ZDHHC11B: variants seen among roughly 807,000 people sequenced by gnomAD.
ZDHHC11B encodes the protein probable palmitoyltransferase ZDHHC11B.
Under a neutral mutation model 42.3 loss-of-function variants are expected in ZDHHC11B, and 17 were observed. The ratio of observed to expected loss-of-function variants is 0.40; its 90% CI spans 0.27 to 0.60. The LOEUF is 0.60. Among genes scored for constraint, ZDHHC11B ranks in the 20% least tolerant of loss-of-function variants. The pLI is 0.41. For missense variants in ZDHHC11B, 262 were observed against 463.2 expected (o/e 0.57, Z 3.99); for synonymous variants, 123 against 193.5 (o/e 0.64, Z 3.02).
chr5:748,721 CCA>C (rs780476797), intron 7 of ZDHHC11B, among the ~76,000 whole-genome samples, 162 bp from the exon 8 acceptor site: 12,382 of 127,590 alleles, frequency 0.097, 1,192 homozygotes, highest in African/African-American at 0.24. Context: ...CCTGAGTGCC[CCA>C]TGGGCCCTGC....
Position 721,402 on chromosome 5 carries a change from T to G in ZDHHC11B, c.1059-4537A>C, listed in dbSNP as rs553236580. 9.2e-5 allele frequency among the ~76,000 whole-genome samples: 14 copies of G among 151,746 alleles called. 1 individual carries two copies. In the South Asian group the frequency reaches 1.9e-3, roughly 20 times the overall value. On this transcript the variant is annotated intron_variant, in intron 12 of 13. Transcript: ENST00000508859. Reference sequence around the variant, plus strand: ...TAGATAGATAGATAGATTGAACTTTTTAATTAAAAGTCAGAGATTGGTGGA... The same window carrying G: ...TAGATAGATAGATAGATTGAACTTTGTAATTAAAAGTCAGAGATTGGTGGA...
At chr5:751,410 G>GCGTGCGGTGTGCAGGGGCATGCGGGGCA (rs1554036609) in intron 6 of ZDHHC11B, among the ~76,000 whole-genome samples, 153 bp from the exon 7 acceptor site, 1 of 51,400 alleles carries the variant, frequency 1.9e-5, no homozygotes. Flanking sequence ...GCAAGGGCAG[G>GCGTGCGGTGTGCAGGGGCATGCGGGGCA]TGTGGGACAG....
Position 746,943 on chromosome 5 carries a change from G to T in ZDHHC11B, c.784+1461C>A, listed in dbSNP as rs547672831. ...CAACCTCGGCCGATTCTCCTGTTGT[G>T]GGGGGACTCACCCTGACTCTAAGCA... On this transcript the variant is annotated intron_variant, in intron 8 of 13. Transcript: ENST00000508859. Among the ~76,000 whole-genome samples, 8 of 124,568 alleles carry T rather than the reference G, an allele frequency of 6.4e-5. No homozygotes were observed. The East Asian group carries it at 2.3e-3, about 36-fold the overall frequency. The allele number at this position is 124,568 out of a possible 152,430, so 81.7% of individuals were successfully genotyped here.
chr5:721,469 T>G (rs1055232773), intron 12 of ZDHHC11B, among the ~76,000 whole-genome samples: 1 of 151,404 alleles, frequency 6.6e-6, no homozygotes, highest in African/African-American at 2.4e-5. Context: ...ACAAAGATGC[T>G]GAGTTAAAGG....
intron 6 of ZDHHC11B, among the ~76,000 whole-genome samples, 173 bp from the exon 7 acceptor site, chr5:751,430 CGGGG>C (rs1745684269): frequency 2.2e-4 from 8 of 35,808 alleles, no homozygotes; most frequent in African/African-American, 4.5e-4. Flanking sequence ...GGTGTGGGGG[CGGGG>C]AGGCAGGGGC....
At chr5:779,490 G>A (rs1430274008) in intron 1 of ZDHHC11B, among the ~76,000 whole-genome samples, 2 of 149,672 alleles carry the variant, frequency 1.3e-5, no homozygotes, top group Admixed American at 6.7e-5. Context: ...TGGGTGTTAG[G>A]CCAGGGCTGC....
At chr5:729,567 T>C (rs1742857410) in intron 12 of ZDHHC11B, among the ~76,000 whole-genome samples, 3 of 150,098 alleles carry the variant, frequency 2.0e-5, no homozygotes, top group African/African-American at 7.4e-5. Context: ...TGTGTGCACA[T>C]GCCTGTGTCT....
rs1218520200 is a variant in ZDHHC11B, at chr5:745,373, C to G, written c.785-75G>C. On this transcript the variant is annotated intron_variant, in intron 8 of 13. Transcript: ENST00000508859. ...GCACGGCGCCCACAGGACAGCTCAGCAGGGTGGCCAGTGCCACTGATCCGG... is the reference window on the plus strand; with the variant it reads ...GCACGGCGCCCACAGGACAGCTCAGGAGGGTGGCCAGTGCCACTGATCCGG... 5.0e-6 allele frequency: 7 copies of G among 1,393,798 alleles called. 1 individual carries two copies. The East Asian group carries it at 1.7e-4, about 34-fold the overall frequency. 86.3% of individuals were successfully genotyped at this position (1,393,798 alleles called of 1,614,324 possible).
intron 4 of ZDHHC11B, among the ~76,000 whole-genome samples, chr5:764,426 G>T (rs1233851286): frequency 4.6e-5 from 7 of 151,482 alleles, no homozygotes; most frequent in Admixed American, 6.6e-5. Context: ...GTTCGGGGTG[G>T]GCATGGGCTC....
rs948932584 is a variant in ZDHHC11B at position 777,913 on chromosome 5, G to A, written c.-230+6755C>T. Among the ~76,000 whole-genome samples, 71 of 151,154 alleles carry A rather than the reference G, an allele frequency of 4.7e-4. 1 individual carries two copies. The highest frequency in any genetic ancestry group is 1.6e-3 in the African/African-American group (67 of 41,304). On this transcript the variant is annotated intron_variant, in intron 1 of 13. Coordinates refer to ENST00000508859, the MANE Select transcript of ZDHHC11B (RefSeq NM_001351303.2). ...CCAGCACCGAGGGAGCCCGGGGCGGGGGAGGGGGGGCGTGGCCTCGGCATG... is the reference window on the plus strand; with the variant it reads ...CCAGCACCGAGGGAGCCCGGGGCGGAGGAGGGGGGGCGTGGCCTCGGCATG...
At chr5:746,109 C>T (rs1744780548) in intron 8 of ZDHHC11B, among the ~76,000 whole-genome samples, 3 of 149,118 alleles carry the variant, frequency 2.0e-5, no homozygotes, top group Admixed American at 1.4e-4. Context: ...TCTTAACAAA[C>T]GTTAATAAAA....
intron 1 of ZDHHC11B, among the ~76,000 whole-genome samples, chr5:774,919 C>A (rs1736349169): frequency 6.6e-6 from 1 of 152,034 alleles, no homozygotes; most frequent in African/African-American, 2.4e-5. Context: ...ACAGAGCCTA[C>A]ACCACTGCTC....
intron 4 of ZDHHC11B, among the ~76,000 whole-genome samples, chr5:766,177 A>C (rs1735320521): frequency 6.6e-6 from 1 of 151,856 alleles, no homozygotes; most frequent in Non-Finnish European, 1.5e-5. Flanking sequence ...CCGCTGGAAG[A>C]TGATGGGAGC....
In ZDHHC11B at chr5:778,027, TG is replaced by T. The variant is rs1736686497; in HGVS notation, c.-230+6640del. Among the ~76,000 whole-genome samples the T allele has an allele frequency of 2.0e-5, 3 of 151,842 alleles. 1 individual carries two copies. The highest frequency in any genetic ancestry group is 2.1e-4 in the South Asian group (1 of 4,808). On this transcript the variant is annotated intron_variant, in intron 1 of 13. Transcript: ENST00000508859. ...CATGGCGCAGGCGGGCTGGCAGTGC[TG>T]GGGGACCCGGCGCACCTCCGCAGCC...
chr5:751,475 G>GGGCGTGGGGTGTGCA (rs1745714151), intron 6 of ZDHHC11B, among the ~76,000 whole-genome samples: 1 of 35,138 alleles, frequency 2.8e-5, no homozygotes, highest in African/African-American at 7.0e-5. Flanking sequence ...AGGCAGGGGC[G>GGGCGTGGGGTGTGCA]GGGGCATGCA....
chr5:730,452 G>T lies in ZDHHC11B; in HGVS notation c.1040C>A (p.Pro347Gln), dbSNP rs116264288. The stretch of plus-strand genomic sequence containing the variant: ...AACTTACCCAAGTGTAGATGTACTC[G>T]GGGCATCATCTGCTTCCTGTGGGGG... Reference protein sequence around the residue: ...DSKAQEADDAPSTSTLGLQQE... With the variant: ...DSKAQEADDAQSTSTLGLQQE... Residue 347 changes from proline (P) to glutamine (Q), a missense_variant, in exon 12 of 14, where the codon CCG (proline) becomes CAG (glutamine). Coordinates refer to ENST00000508859, the MANE Select transcript of ZDHHC11B (RefSeq NM_001351303.2). 15 of 1,574,020 alleles carry T rather than the reference G, an allele frequency of 9.5e-6. No homozygotes were observed. The East Asian group carries it at 1.4e-4, about 15-fold the overall frequency.
chr5:771,606 C>T (rs1651315), intron 1 of ZDHHC11B, among the ~76,000 whole-genome samples: 45,915 of 146,268 alleles, frequency 0.31, 4,638 homozygotes, highest in East Asian at 0.47. Flanking sequence ...TCGCTGACAA[C>T]ATTTCTTTGA....
chr5:771,534 GC>G (rs1381203359), intron 1 of ZDHHC11B, among the ~76,000 whole-genome samples: 4 of 151,262 alleles, frequency 2.6e-5, no homozygotes, highest in Admixed American at 6.6e-5. Flanking sequence ...CCGTCTGGGG[GC>G]AGGATCCTGG....
chr5:733,358 T>C (rs1245500852), intron 11 of ZDHHC11B, among the ~76,000 whole-genome samples: 1 of 151,846 alleles, frequency 6.6e-6, no homozygotes, highest in Admixed American at 6.6e-5. Flanking sequence ...TTCCTGAGCA[T>C]TTTATTTTAA....
Sources: gnomAD v4.1 joint callset for allele counts (sites outside exome capture counted in the v4.1 genomes callset) on GRCh38, gnomAD v4.1.1 for gene constraint, MANE v1.5 for transcripts, NCBI Gene and HGNC (gene_info 2026-07-23, HGNC 2026-07-21) for gene names.